Variants in PTPRD observed in about 807,000 individuals in gnomAD.
PTPRD encodes the protein receptor-type tyrosine-protein phosphatase delta.
PTPRD carries 34 observed loss-of-function variants against 214.5 expected under a neutral mutation model. That is an observed-to-expected ratio of 0.16 (90% CI 0.12 to 0.21). The LOEUF (loss-of-function observed/expected upper bound fraction) is 0.21, where lower values mean the gene tolerates loss of function less well. PTPRD is among the 10% of genes least tolerant of loss of function. The pLI is 1.00. For synonymous variants in PTPRD, 1,128 were observed against 845.7 expected, an observed-to-expected ratio of 1.33 and a Z score of -5.79; for missense variants, 2,545 against 2,398.7, an observed-to-expected ratio of 1.06 and a Z score of -1.27.
At chr9:8,897,567 GTCTGCACCAGTAAAACA>G (rs1396149725) in intron 11 of PTPRD, among the ~76,000 whole-genome samples, 2 of 152,192 alleles carry the variant, frequency 1.3e-5, no homozygotes, top group African/African-American at 4.8e-5. Flanking sequence ...GCCATGAGCT[GTCTGCACCAGTAAAACA>G]ACACAGACAA....
chr9:9,646,555 G>A (rs1044397987), intron 7 of PTPRD, among the ~76,000 whole-genome samples: 1 of 151,992 alleles, frequency 6.6e-6, no homozygotes, highest in South Asian at 2.1e-4. Flanking sequence ...TTTATACTGA[G>A]AATCAATGTG....
chr9:8,889,130 G>T (rs1206292870), intron 11 of PTPRD, among the ~76,000 whole-genome samples: 1 of 152,130 alleles, frequency 6.6e-6, no homozygotes, highest in African/African-American at 2.4e-5. Flanking sequence ...TTCATTGCAG[G>T]GAAATGAAGA....
intron 11 of PTPRD, among the ~76,000 whole-genome samples, chr9:8,856,048 T>G: frequency 6.6e-6 from 1 of 152,214 alleles, no homozygotes; most frequent in East Asian, 1.9e-4. Context: ...ATTGTCCATT[T>G]AGGATGTCTG....
rs762711027 is a variant in PTPRD at position 9,117,237 on chromosome 9, T to TTTTTTTTTG, written c.-143+66066_-143+66067insCAAAAAAAA. Among the ~76,000 whole-genome samples, 16 of 147,452 alleles carry TTTTTTTTTG rather than the reference T, an allele frequency of 1.1e-4. 1 individual carries two copies. The highest frequency in any genetic ancestry group is 4.2e-4 in the African/African-American group (16 of 38,164). ...GAAATTAAGTTTTTTTTTTTTTTTG[T>TTTTTTTTTG]ACTTTCAGGGTATGATTAACTTATA... On this transcript the variant is annotated intron_variant, in intron 10 of 45. Transcript: ENST00000381196.
chr9:8,952,489 T>C (rs2099107951), intron 11 of PTPRD, among the ~76,000 whole-genome samples: 2 of 151,972 alleles, frequency 1.3e-5, no homozygotes, highest in Admixed American at 6.6e-5. Flanking sequence ...GATTTTAACA[T>C]GTGCGTAGAT....
intron 10 of PTPRD, among the ~76,000 whole-genome samples, chr9:9,055,511 A>T (rs1020403987): frequency 6.6e-6 from 1 of 152,160 alleles, no homozygotes; most frequent in Non-Finnish European, 1.5e-5. Flanking sequence ...ATATCCCAGC[A>T]CTATGGCCCA....
At chr9:9,874,102 G>C (rs1404685172) in intron 5 of PTPRD, among the ~76,000 whole-genome samples, 1 of 152,124 alleles carries the variant, frequency 6.6e-6, no homozygotes, top group Non-Finnish European at 1.5e-5. Flanking sequence ...TTGTAGAATA[G>C]AGAGTGGTCT....
intron 26 of PTPRD, among the ~76,000 whole-genome samples, chr9:8,495,379 T>C (rs751782415): frequency 1.2e-4 from 18 of 152,214 alleles, no homozygotes; most frequent in Non-Finnish European, 2.2e-4. Flanking sequence ...CACTTTTTCA[T>C]TTCTACTGCC....
chr9:9,154,864 A>G (rs1468737825), intron 10 of PTPRD, among the ~76,000 whole-genome samples: 2 of 152,212 alleles, frequency 1.3e-5, no homozygotes, highest in African/African-American at 2.4e-5. Flanking sequence ...ATTTTTAACC[A>G]GTAAAAAATA....
At chr9:9,620,008 G>C (rs2095147986) in intron 7 of PTPRD, among the ~76,000 whole-genome samples, 2 of 151,682 alleles carry the variant, frequency 1.3e-5, no homozygotes, top group African/African-American at 2.4e-5. Flanking sequence ...AAGAGAGAGA[G>C]GTGGAGAGAG....
chr9:8,552,523 G>A (rs557004113), intron 14 of PTPRD, among the ~76,000 whole-genome samples: 2 of 152,238 alleles, frequency 1.3e-5, no homozygotes, highest in African/African-American at 4.8e-5. Context: ...AGAGGATGAA[G>A]AAGCAGCCCT....
At chr9:9,448,485 C>T (rs965350091) in intron 8 of PTPRD, among the ~76,000 whole-genome samples, 7 of 152,064 alleles carry the variant, frequency 4.6e-5, no homozygotes, top group Non-Finnish European at 1.0e-4. Flanking sequence ...GAAGAAGATG[C>T]CTGCTTCCAA....
At chr9:9,644,356 A>C (rs1177655205) in intron 7 of PTPRD, among the ~76,000 whole-genome samples, 1 of 152,202 alleles carries the variant, frequency 6.6e-6, no homozygotes, top group Admixed American at 6.5e-5. Context: ...TTAATGCAGC[A>C]GAAATCAGAT....
At chr9:8,831,957 C>A (rs1328033063) in intron 11 of PTPRD, among the ~76,000 whole-genome samples, 2 of 152,028 alleles carry the variant, frequency 1.3e-5, no homozygotes, top group Non-Finnish European at 2.9e-5. Flanking sequence ...TTACTTGTAT[C>A]CATTTCCTAC....
intron 2 of PTPRD, among the ~76,000 whole-genome samples, chr9:10,420,217 T>C (rs1320360408): frequency 1.3e-5 from 2 of 151,900 alleles, no homozygotes; most frequent in South Asian, 2.1e-4. Flanking sequence ...GCATGTATAA[T>C]AATAATAATT....
At chr9:9,659,971 G>C (rs1055271609) in intron 7 of PTPRD, among the ~76,000 whole-genome samples, 1 of 151,736 alleles carries the variant, frequency 6.6e-6, no homozygotes, top group Non-Finnish European at 1.5e-5. Flanking sequence ...CTCTCTTCTG[G>C]GCTGTAAATG....
At chr9:9,401,495 G>C (rs2070455991) in intron 8 of PTPRD, among the ~76,000 whole-genome samples, 1 of 152,032 alleles carries the variant, frequency 6.6e-6, no homozygotes, top group Non-Finnish European at 1.5e-5. Flanking sequence ...TGAGTATGAA[G>C]GGTAATTGGT....
intron 8 of PTPRD, among the ~76,000 whole-genome samples, chr9:9,416,032 C>T (rs903485563): frequency 6.6e-6 from 1 of 152,166 alleles, no homozygotes; most frequent in Non-Finnish European, 1.5e-5. Context: ...CAACTGGGTG[C>T]ATTCTCGTCT....
chr9:9,300,398 T>C (rs1954815929), intron 9 of PTPRD, among the ~76,000 whole-genome samples: 1 of 151,780 alleles, frequency 6.6e-6, no homozygotes, highest in African/African-American at 2.4e-5. Context: ...TATGCTGCAA[T>C]CTCTTTTTAG....
Sources: allele counts gnomAD v4.1 joint callset (sites outside exome capture counted in the v4.1 genomes callset), GRCh38; gene constraint gnomAD v4.1.1; transcripts MANE v1.5; gene names NCBI Gene and HGNC (gene_info 2026-07-23, HGNC 2026-07-21).